SMC5: variants seen among roughly 807,000 people sequenced by gnomAD.
SMC5 encodes structural maintenance of chromosomes 5, also known as structural maintenance of chromosomes protein 5.
Under a neutral mutation model 148.3 loss-of-function variants are expected in SMC5, and 88 were observed. The observed-to-expected ratio is 0.59, with a 90% CI of 0.50 to 0.71. The LOEUF is 0.71. SMC5 is among the 30% of genes least tolerant of loss of function. The pLI is 0.00. For synonymous variants in SMC5, 421 were observed against 432.8 expected (o/e 0.97, Z 0.34); for missense variants, 1,142 against 1,298.9 (o/e 0.88, Z 1.86).
Position 70,354,244 on chromosome 9 carries a change from G to T in SMC5, c.*1913G>T. On this transcript the variant is annotated 3_prime_UTR_variant, in exon 25 of 25. Transcript: ENST00000361138. ...TGTTTGTTTGTTTGTTTGTTTTTTT[G>T]AGATGGAGTCTCACTCTGTTGCCCA... The T allele has an allele frequency of 6.6e-6, 1 of 152,630 alleles. No homozygotes were observed. The highest frequency in any genetic ancestry group is 1.5e-5 in the Non-Finnish European group (1 of 68,490). The allele number at this position is 152,630 out of a possible 1,614,324, so 9.5% of individuals were successfully genotyped here. A position where few individuals can be genotyped will look rare whatever the true frequency, so the allele number is the denominator to read the frequency against.
chr9:70,346,407 C>T (rs570530821), intron 18 of SMC5, 198 bp from the exon 19 acceptor site: 10 of 602,338 alleles, frequency 1.7e-5, no homozygotes, highest in Middle Eastern at 3.2e-4. Context: ...CTGATTGCCT[C>T]CCCTCAAAAA....
chr9:70,345,030 T>C (rs944970776), intron 18 of SMC5, among the ~76,000 whole-genome samples: 6 of 152,242 alleles, frequency 3.9e-5, no homozygotes, highest in African/African-American at 1.2e-4. Flanking sequence ...GACACAGAAA[T>C]CACAGAGAAT....
At chr9:70,336,214 A>T (rs540874951) in intron 17 of SMC5, among the ~76,000 whole-genome samples, 17 of 152,302 alleles carry the variant, frequency 1.1e-4, no homozygotes, top group South Asian at 4.1e-4. Flanking sequence ...AAATGTAGAC[A>T]TAGGACTGCA....
chr9:70,280,852 C>T lies in SMC5; in HGVS notation c.772C>T (p.Arg258Ter), dbSNP rs1052768752. 3.1e-6 allele frequency: 5 copies of T among 1,613,800 alleles called. No individual in the cohort carries two copies. Among genetic ancestry groups the T allele is most frequent in the Non-Finnish European group, 2.5e-6 (3 of 1,179,924 alleles). Residue 258 changes from arginine (R) to a stop codon, truncating the protein, a stop_gained, in exon 6 of 25, where the codon CGA (arginine) becomes TGA (stop). Transcript: ENST00000361138. LOFTEE classifies it high-confidence loss of function. Reference sequence around the variant, plus strand: ...TGTGGAGAGGTTCTATGAACGGAAGCGACATTTAGATTTAATTGAGATGCT... The same window carrying T: ...TGTGGAGAGGTTCTATGAACGGAAGTGACATTTAGATTTAATTGAGATGCT... The part of the protein sequence containing the change: ...QDVERFYERK[R>*]HLDLIEMLEA...
intron 17 of SMC5, among the ~76,000 whole-genome samples, chr9:70,327,624 A>G (rs1393741471): frequency 6.6e-6 from 1 of 152,236 alleles, no homozygotes; most frequent in African/African-American, 2.4e-5. Context: ...AAAATAACAA[A>G]TACATGATGA....
chr9:70,332,835 A>T (rs2036255356), intron 17 of SMC5, among the ~76,000 whole-genome samples: 1 of 152,208 alleles, frequency 6.6e-6, no homozygotes, highest in African/African-American at 2.4e-5. Context: ...AAACTGAAAA[A>T]CTAGATGATC....
intron 17 of SMC5, among the ~76,000 whole-genome samples, chr9:70,327,296 C>A (rs981337339): frequency 6.6e-6 from 1 of 152,002 alleles, no homozygotes; most frequent in Non-Finnish European, 1.5e-5. Context: ...TCAACAGGAC[C>A]CAGGAGCCTA....
chr9:70,273,005 A>G (rs1259925033), intron 3 of SMC5, among the ~76,000 whole-genome samples: 2 of 152,218 alleles, frequency 1.3e-5, no homozygotes, highest in Non-Finnish European at 2.9e-5. Flanking sequence ...CATTCTTAGA[A>G]TAACCCAGTT....
chr9:70,301,878 A>C (rs116255552), intron 10 of SMC5, among the ~76,000 whole-genome samples: 2 of 152,074 alleles, frequency 1.3e-5, no homozygotes, highest in Non-Finnish European at 2.9e-5. Flanking sequence ...AAAATCATAA[A>C]GCAGAAAGAT....
chr9:70,301,687 GAA>G (rs1418286116), intron 10 of SMC5, among the ~76,000 whole-genome samples: 5 of 152,118 alleles, frequency 3.3e-5, no homozygotes, highest in African/African-American at 1.2e-4. Flanking sequence ...AGCAAAAAAA[GAA>G]AATTTATGAA....
intron 13 of SMC5, among the ~76,000 whole-genome samples, chr9:70,316,008 T>C (rs761363626): frequency 1.3e-5 from 2 of 152,090 alleles, no homozygotes; most frequent in African/African-American, 2.4e-5. Context: ...TTGGTCAGCC[T>C]TCCTTTTATT....
chr9:70,312,683 A>G (rs185631515), intron 11 of SMC5, among the ~76,000 whole-genome samples: 2 of 152,312 alleles, frequency 1.3e-5, no homozygotes, highest in Admixed American at 1.3e-4. Context: ...ATCTACTAAG[A>G]TGATAATATG....
intron 8 of SMC5, among the ~76,000 whole-genome samples, chr9:70,288,499 A>G (rs2182739): frequency 0.64 from 96,687 of 151,588 alleles, 31,560 homozygotes; most frequent in Non-Finnish European, 0.71. Context: ...TTCTTAATTC[A>G]TTTTTCTGCT....
chr9:70,349,432 A>G (rs1462778029), intron 22 of SMC5, among the ~76,000 whole-genome samples: 1 of 152,188 alleles, frequency 6.6e-6, no homozygotes, highest in Non-Finnish European at 1.5e-5. Context: ...TGCCATCAAT[A>G]AGAATAGTAA....
At chr9:70,290,724 C>T (rs2035034193) in intron 8 of SMC5, among the ~76,000 whole-genome samples, 1 of 152,024 alleles carries the variant, frequency 6.6e-6, no homozygotes, top group Admixed American at 6.6e-5. Context: ...CTGTTTTAAT[C>T]CTTTTCCTAT....
At chr9:70,346,276 G>A (rs901544915) in intron 18 of SMC5, 1 of 273,704 alleles carries the variant, frequency 3.7e-6, no homozygotes, top group African/African-American at 2.2e-5. Flanking sequence ...CTTTCTAAGA[G>A]GTTAAAATAA....
intron 17 of SMC5, among the ~76,000 whole-genome samples, chr9:70,337,042 G>A (rs984834344): frequency 3.9e-5 from 6 of 152,080 alleles, no homozygotes; most frequent in Admixed American, 1.3e-4. Context: ...ATCAGATCTC[G>A]TGAGACTTAC....
In SMC5 at chr9:70,298,050, A is replaced by G; in HGVS notation, c.1138A>G (p.Ile380Val). 1 of 1,614,056 alleles carries G rather than the reference A, an allele frequency of 6.2e-7. No individual in the cohort carries two copies. Among genetic ancestry groups the G allele is most frequent in the Non-Finnish European group, 8.5e-7 (1 of 1,179,946 alleles). Residue 380 changes from isoleucine (I) to valine (V), a missense_variant, in exon 9 of 25, where the codon ATA becomes GTA. Coordinates refer to ENST00000361138, the MANE Select transcript of SMC5 (RefSeq NM_015110.4). ...GAGAATAGGTAATACCCGCAAAATG[A>G]TAGAGGATTTGCAAAATGAACTAAA... ...QRRIGNTRKM[I>V]EDLQNELKTT...
At chr9:70,273,997 GT>G (rs1447264551) in intron 3 of SMC5, among the ~76,000 whole-genome samples, 1 of 152,198 alleles carries the variant, frequency 6.6e-6, no homozygotes, top group East Asian at 1.9e-4. Flanking sequence ...TGACAAAGGT[GT>G]ATTACACTAT....
Sources: gnomAD v4.1 joint callset for allele counts (sites outside exome capture counted in the v4.1 genomes callset) on GRCh38, gnomAD v4.1.1 for gene constraint, MANE v1.5 for transcripts, NCBI Gene and HGNC (gene_info 2026-07-23, HGNC 2026-07-21) for gene names.